Variants in BMPR2 observed in about 807,000 individuals in gnomAD.
BMPR2 encodes the protein bone morphogenetic protein receptor type-2.
Under a neutral mutation model 100.8 loss-of-function variants are expected in BMPR2, and 29 were observed. That is an observed-to-expected ratio of 0.29 (90% confidence interval 0.21 to 0.39). The LOEUF (loss-of-function observed/expected upper bound fraction) is 0.39, where lower values mean the gene tolerates loss of function less well. Among genes scored for constraint, BMPR2 ranks in the 10% least tolerant of loss-of-function variants. BMPR2 has a pLI of 1.00. For missense variants in BMPR2, 1,011 were observed against 1,274.5 expected, an observed-to-expected ratio of 0.79 and a Z score of 3.15; for synonymous variants, 382 against 442.3, an observed-to-expected ratio of 0.86 and a Z score of 1.71.
At chr2:202,444,495 G>A (rs1691811805) in intron 1 of BMPR2, among the ~76,000 whole-genome samples, 1 of 150,606 alleles carries the variant, frequency 6.6e-6, no homozygotes, top group Admixed American at 6.6e-5. Context: ...TATGTAATTT[G>A]TTTTTTGTGT....
intron 1 of BMPR2, among the ~76,000 whole-genome samples, chr2:202,385,566 G>C (rs959783653): frequency 6.7e-6 from 1 of 149,520 alleles, no homozygotes; most frequent in Non-Finnish European, 1.5e-5. Flanking sequence ...GAGTTTCACT[G>C]TGTTGGCCAG....
At chr2:202,403,839 C>G (rs1020270461) in intron 1 of BMPR2, among the ~76,000 whole-genome samples, 75 of 152,084 alleles carry the variant, frequency 4.9e-4, no homozygotes, top group African/African-American at 1.5e-3. Context: ...CTCCCTGTCT[C>G]TACTAAAAAT....
intron 10 of BMPR2, among the ~76,000 whole-genome samples, chr2:202,543,330 T>C (rs1338644321): frequency 6.9e-6 from 1 of 145,786 alleles, no homozygotes; most frequent in East Asian, 1.9e-4. Flanking sequence ...TAAGTTGTTG[T>C]TACAACACTG....
Position 202,532,519 on chromosome 2 carries a change from G to C in BMPR2, c.1129-66G>C. 14 of 1,556,390 alleles carry C rather than the reference G, an allele frequency of 9.0e-6. No homozygotes were observed. The highest frequency in any genetic ancestry group is 1.2e-5 in the Non-Finnish European group (13 of 1,130,218). ...GACTAAGATTTATATATAACTTCTGGTCTAATGTCTGTTCTTCAGAATATG... is the reference window on the plus strand; with the variant it reads ...GACTAAGATTTATATATAACTTCTGCTCTAATGTCTGTTCTTCAGAATATG... On this transcript the variant is annotated intron_variant, in intron 8 of 12. Coordinates refer to ENST00000374580, the MANE Select transcript of BMPR2 (RefSeq NM_001204.7). The surrounding 1 kb of genome is among the most constrained non-coding windows in gnomAD (Gnocchi z 4.1).
Position 202,527,579 on chromosome 2 carries a change from A to G in BMPR2, c.968-3215A>G, listed in dbSNP as rs1453864905. ...GGCGGGTGGATCATGAGGTCAGGAG[A>G]TCGAGACCATCCTGGCTAACAAGGT... On this transcript the variant is annotated intron_variant, in intron 7 of 12. Coordinates refer to ENST00000374580, the MANE Select transcript of BMPR2 (RefSeq NM_001204.7). 1.3e-4 allele frequency among the ~76,000 whole-genome samples: 19 copies of G among 149,860 alleles called. 1 individual carries two copies. In the East Asian group the frequency reaches 3.8e-3, roughly 30 times the overall value.
chr2:202,477,578 A>G (rs1288731844), intron 3 of BMPR2, among the ~76,000 whole-genome samples: 1 of 152,180 alleles, frequency 6.6e-6, no homozygotes, highest in African/African-American at 2.4e-5. Flanking sequence ...TCACAAGGTC[A>G]GGAGTTTGAG....
At chr2:202,545,615 T>C (rs1041331570) in intron 10 of BMPR2, among the ~76,000 whole-genome samples, 21 of 152,226 alleles carry the variant, frequency 1.4e-4, no homozygotes, top group Non-Finnish European at 2.5e-4. Flanking sequence ...GGTGATGTCA[T>C]GTCAGAGACA....
rs756899396 is a variant in BMPR2, at chr2:202,555,333, C to A, written c.1668C>A (p.Ile556=). Residue 556 remains isoleucine, a synonymous_variant, in exon 12 of 13, where the codon ATC becomes ATA. Coordinates refer to ENST00000374580, the MANE Select transcript of BMPR2 (RefSeq NM_001204.7). ...CCTCCTCATACATTGAAGACTCTATCCATCATACTGACAGCATCGTGAAGA... is the reference window on the plus strand; with the variant it reads ...CCTCCTCATACATTGAAGACTCTATACATCATACTGACAGCATCGTGAAGA... The part of the protein sequence containing the change: ...YSSSSYIEDS[I]HHTDSIVKNI... 8 of 1,613,974 alleles carry A rather than the reference C, an allele frequency of 5.0e-6. No individual in the cohort carries two copies. The Admixed American group carries it at 1.3e-4, about 27-fold the overall frequency.
At chr2:202,424,960 T>A (rs1691356122) in intron 1 of BMPR2, among the ~76,000 whole-genome samples, 1 of 145,378 alleles carries the variant, frequency 6.9e-6, no homozygotes, top group African/African-American at 2.5e-5. Flanking sequence ...TGAGCAAACA[T>A]TTTTTTTTTT....
chr2:202,535,450 C>T (rs1264644457), intron 9 of BMPR2, among the ~76,000 whole-genome samples: 3 of 143,988 alleles, frequency 2.1e-5, no homozygotes, highest in Admixed American at 1.4e-4. Flanking sequence ...CCAGACGGGG[C>T]GGCGGGGCAG....
chr2:202,378,784 T>C (rs969563628), intron 1 of BMPR2, among the ~76,000 whole-genome samples: 1 of 152,218 alleles, frequency 6.6e-6, no homozygotes, highest in African/African-American at 2.4e-5. Flanking sequence ...ATGATTTTTC[T>C]CTAAATTTCT....
intron 3 of BMPR2, among the ~76,000 whole-genome samples, chr2:202,470,770 C>CAAAA (rs35813080): frequency 1.1e-4 from 7 of 65,412 alleles, no homozygotes; most frequent in South Asian, 5.1e-4. Context: ...GACTCCGTCT[C>CAAAA]AAAAAAAAAA....
chr2:202,497,704 C>T (rs1012600567), intron 3 of BMPR2, among the ~76,000 whole-genome samples: 1 of 152,228 alleles, frequency 6.6e-6, no homozygotes, highest in African/African-American at 2.4e-5. Context: ...CCCTTGCCCC[C>T]TGGGTCCTAA....
chr2:202,520,053 CT>C (rs11390605), intron 6 of BMPR2, 33 bp from the exon 7 acceptor site: 6,982 of 1,141,052 alleles, frequency 6.1e-3, no homozygotes, highest in Admixed American at 9.7e-3. Flanking sequence ...TTAATTCTAC[CT>C]TTTTTTTTTT....
At chr2:202,402,556 T>G (rs1392956931) in intron 1 of BMPR2, among the ~76,000 whole-genome samples, 1 of 152,028 alleles carries the variant, frequency 6.6e-6, no homozygotes, top group East Asian at 1.9e-4. Context: ...AGAATTAATT[T>G]AAGCCTTGAA....
At chr2:202,507,223 A>G (rs2105996813) in intron 3 of BMPR2, among the ~76,000 whole-genome samples, 1 of 152,140 alleles carries the variant, frequency 6.6e-6, no homozygotes, top group African/African-American at 2.4e-5. Flanking sequence ...TTCATATTCT[A>G]CTTTTAAATC....
intron 1 of BMPR2, among the ~76,000 whole-genome samples, chr2:202,451,436 CGCCTGTAATCCCAGCACTTTGGGAG>C (rs1691981132): frequency 6.6e-6 from 1 of 152,188 alleles, no homozygotes; most frequent in Non-Finnish European, 1.5e-5. Context: ...CAGTGGCCCA[CGCCTGTAATCCCAGCACTTTGGGAG>C]GCCGAGACGG....
At chr2:202,431,920 T>G (rs1394683822) in intron 1 of BMPR2, among the ~76,000 whole-genome samples, 1 of 150,704 alleles carries the variant, frequency 6.6e-6, no homozygotes, top group Non-Finnish European at 1.5e-5. Flanking sequence ...TCTAGATCTC[T>G]AATTCTTTTT....
Position 202,559,938 on chromosome 2 carries a change from T to C in BMPR2, c.3109T>C (p.Cys1037Arg). ...GGTGTCTAAAGATATAGGAATGAAC[T>C]GTCTGTGAAATGTTTTCAAGCCTAT... ...TMVSKDIGMN[C>R]L Residue 1037 changes from cysteine (C) to arginine (R), a missense_variant, in exon 13 of 13, where the codon TGT (cysteine) becomes CGT (arginine). Physicochemically the swap from Cys to Arg is radical, Grantham distance 180. Coordinates refer to ENST00000374580, the MANE Select transcript of BMPR2 (RefSeq NM_001204.7). The C allele has an allele frequency of 6.2e-7, 1 of 1,614,126 alleles. No individual in the cohort carries two copies. Among genetic ancestry groups the C allele is most frequent in the South Asian group, 1.1e-5 (1 of 91,080 alleles).
Sources: gnomAD v4.1 joint callset for allele counts (sites outside exome capture counted in the v4.1 genomes callset) on GRCh38, gnomAD v4.1.1 for gene constraint, Gnocchi (gnomAD v3.1) non-coding constraint, MANE v1.5 for transcripts, NCBI Gene and HGNC (gene_info 2026-07-23, HGNC 2026-07-21) for gene names.